CADM2: variants seen among roughly 807,000 people sequenced by gnomAD.
CADM2 encodes immunoglobulin superfamily member 4D.
A neutral mutation model predicts 49.8 loss-of-function variants in CADM2; 12 were observed. The observed-to-expected ratio is 0.24, with a 90% CI of 0.15 to 0.39. The LOEUF is 0.39. Ranked by LOEUF, CADM2 falls within the 10% of genes least tolerant of loss-of-function variation. The probability of loss-of-function intolerance (pLI) is 1.00; values close to 1 mark genes in which losing one functional copy is unlikely to be tolerated. For missense variants in CADM2, 378 were observed against 492.3 expected (o/e 0.77, Z 2.20); for synonymous variants, 214 against 175.4 (o/e 1.22, Z -1.74).
At chr3:85,896,549 G>T (rs73843508) in intron 5 of CADM2, among the ~76,000 whole-genome samples, 22 of 152,236 alleles carry the variant, frequency 1.4e-4, no homozygotes, top group African/African-American at 4.6e-4. Flanking sequence ...CACCTGGTTA[G>T]GCACCAAAGC....
At chr3:85,016,967 A>T (rs2034277325) in intron 1 of CADM2, among the ~76,000 whole-genome samples, 1 of 152,126 alleles carries the variant, frequency 6.6e-6, no homozygotes, top group African/African-American at 2.4e-5. Flanking sequence ...CTAGATTGGG[A>T]GGATGCTTGA....
chr3:85,041,804 C>A (rs1316656567), intron 1 of CADM2, among the ~76,000 whole-genome samples: 2 of 151,992 alleles, frequency 1.3e-5, no homozygotes, highest in Non-Finnish European at 2.9e-5. Context: ...TTCATTGTGC[C>A]GTGGCAGACA....
intron 2 of CADM2, among the ~76,000 whole-genome samples, chr3:85,783,777 T>G (rs1289380622): frequency 6.6e-6 from 1 of 152,242 alleles, no homozygotes; most frequent in African/African-American, 2.4e-5. Flanking sequence ...TAGGTCGTTT[T>G]GATTAATGAT....
chr3:85,054,075 T>A (rs2035983334), intron 1 of CADM2, among the ~76,000 whole-genome samples: 1 of 151,930 alleles, frequency 6.6e-6, no homozygotes, highest in African/African-American at 2.4e-5. Context: ...GTCATCAGTA[T>A]TTACCGAGAG....
rs540116718 is a variant in CADM2 at position 85,158,555 on chromosome 3, T to C, written c.61+198887T>C. ...GTCCTTTGTAGGGACATGGATGAAA[T>C]TGGAAATCATCATTCTCAGTAAACT... is the stretch of plus-strand genomic sequence containing the variant. On this transcript the variant is annotated intron_variant, in intron 1 of 9. Transcript: ENST00000383699. Among the ~76,000 whole-genome samples, 27 of 152,130 alleles carry C rather than the reference T, an allele frequency of 1.8e-4. No homozygotes were observed. In the East Asian group the frequency reaches 2.7e-3, roughly 15 times the overall value.
chr3:85,742,632 G>A (rs769464445), intron 2 of CADM2, among the ~76,000 whole-genome samples: 15 of 152,108 alleles, frequency 9.9e-5, no homozygotes, highest in Non-Finnish European at 2.1e-4. Flanking sequence ...ATATAATTTT[G>A]CAAAACAGAT....
intron 1 of CADM2, among the ~76,000 whole-genome samples, chr3:85,354,316 A>G (rs1468368342): frequency 1.5e-5 from 2 of 135,072 alleles, no homozygotes; most frequent in African/African-American, 2.8e-5. Context: ...GAACACATGG[A>G]CACAGGAAGG....
chr3:85,279,615 G>T (rs946920809), intron 1 of CADM2, among the ~76,000 whole-genome samples: 1 of 151,072 alleles, frequency 6.6e-6, no homozygotes, highest in Non-Finnish European at 1.5e-5. Flanking sequence ...ATATTAAACT[G>T]GTGATAGTCT....
chr3:86,013,131 G>A (rs559642502), intron 8 of CADM2: 55 of 1,337,602 alleles, frequency 4.1e-5, no homozygotes, highest in African/African-American at 2.4e-4. Flanking sequence ...AACAAACCAC[G>A]TAAGTAGACA....
intron 1 of CADM2, among the ~76,000 whole-genome samples, chr3:85,582,475 A>G (rs1322628487): frequency 6.6e-6 from 1 of 152,182 alleles, no homozygotes. Flanking sequence ...AGGCTGCCAT[A>G]ACTAAATAAA....
intron 1 of CADM2, among the ~76,000 whole-genome samples, chr3:85,122,194 A>C (rs2038888204): frequency 6.6e-6 from 1 of 151,906 alleles, no homozygotes; most frequent in African/African-American, 2.4e-5. Flanking sequence ...AACCATACAC[A>C]CCCTAATTAT....
chr3:85,413,142 A>T (rs557749879), intron 1 of CADM2, among the ~76,000 whole-genome samples: 30 of 138,404 alleles, frequency 2.2e-4, no homozygotes, highest in Admixed American at 1.5e-3. Flanking sequence ...CCGTCTCAAA[A>T]AAAAAAAAAA....
chr3:85,049,505 CA>C (rs2035800373), intron 1 of CADM2, among the ~76,000 whole-genome samples: 2 of 151,988 alleles, frequency 1.3e-5, no homozygotes, highest in African/African-American at 4.8e-5. Flanking sequence ...CTCACACCAC[CA>C]CACCCGGCTA....
chr3:85,630,969 A>C (rs189986813), intron 1 of CADM2, among the ~76,000 whole-genome samples: 3 of 152,032 alleles, frequency 2.0e-5, no homozygotes, highest in African/African-American at 7.2e-5. Context: ...ATATCTAGGC[A>C]CTTTCTATTT....
chr3:85,669,641 T>C (rs1408542778), intron 1 of CADM2, among the ~76,000 whole-genome samples: 1 of 152,086 alleles, frequency 6.6e-6, no homozygotes, highest in Admixed American at 6.6e-5. Flanking sequence ...TAATCAACCA[T>C]AATACTTTTG....
intron 1 of CADM2, among the ~76,000 whole-genome samples, chr3:85,467,734 G>T (rs1305125489): frequency 1.3e-5 from 2 of 152,098 alleles, no homozygotes; most frequent in Non-Finnish European, 2.9e-5. Context: ...TAGTAGGACT[G>T]GTCAAATTCA....
chr3:85,048,165 G>T (rs575714846), intron 1 of CADM2, among the ~76,000 whole-genome samples: 69 of 152,146 alleles, frequency 4.5e-4, no homozygotes, highest in Non-Finnish European at 8.5e-4. Context: ...AAGATGATTG[G>T]TTCACAAATA....
chr3:85,208,955 T>C (rs529339516), intron 1 of CADM2, among the ~76,000 whole-genome samples: 1 of 152,110 alleles, frequency 6.6e-6, no homozygotes, highest in Admixed American at 6.6e-5. Context: ...GTGCTACATA[T>C]TTATGTCATG....
intron 8 of CADM2, among the ~76,000 whole-genome samples, chr3:86,016,256 G>A (rs1001758239): frequency 2.0e-5 from 3 of 151,952 alleles, no homozygotes; most frequent in Admixed American, 6.6e-5. Flanking sequence ...ATGTTATATA[G>A]CTACTACTTG....
Sources: allele counts gnomAD v4.1 joint callset (sites outside exome capture counted in the v4.1 genomes callset), GRCh38; gene constraint gnomAD v4.1.1; transcripts MANE v1.5; gene names NCBI Gene and HGNC (gene_info 2026-07-23, HGNC 2026-07-21).